Variants in ADGRL3 observed in about 807,000 individuals in gnomAD.
ADGRL3 encodes adhesion G protein-coupled receptor L3.
Under a neutral mutation model 153.5 loss-of-function variants are expected in ADGRL3, and 62 were observed. The observed-to-expected ratio is 0.40, with a 90% CI of 0.33 to 0.50. The LOEUF (loss-of-function observed/expected upper bound fraction) is 0.50, where lower values mean the gene tolerates loss of function less well. ADGRL3 is among the 20% of genes least tolerant of loss of function. ADGRL3 has a pLI of 0.47. For synonymous variants in ADGRL3, 710 were observed against 672.5 expected, an observed-to-expected ratio of 1.06 and a Z score of -0.86; for missense variants, 1,641 against 1,859.4, an observed-to-expected ratio of 0.88 and a Z score of 2.16.
At chr4:61,869,799 G>A (rs2098426011) in intron 9 of ADGRL3, among the ~76,000 whole-genome samples, 2 of 151,214 alleles carry the variant, frequency 1.3e-5, no homozygotes, top group African/African-American at 2.4e-5. Context: ...TTGGCCAGGC[G>A]TGGTGGCACA....
At chr4:61,620,837 C>T (rs1409006973) in intron 5 of ADGRL3, among the ~76,000 whole-genome samples, 2 of 151,728 alleles carry the variant, frequency 1.3e-5, no homozygotes, top group South Asian at 2.1e-4. Flanking sequence ...GACGGGCTTC[C>T]ACCATGTTGG....
chr4:61,747,023 G>C (rs924738662), intron 8 of ADGRL3, among the ~76,000 whole-genome samples: 6 of 152,134 alleles, frequency 3.9e-5, no homozygotes, highest in Admixed American at 1.3e-4. Context: ...TGATAAAGGG[G>C]ATATCACTGC....
intron 2 of ADGRL3, among the ~76,000 whole-genome samples, chr4:61,491,570 T>A (rs900924097): frequency 6.6e-6 from 1 of 152,134 alleles, no homozygotes; most frequent in Non-Finnish European, 1.5e-5. Context: ...TTCTTCTTTG[T>A]AATTTATATC....
intron 1 of ADGRL3, among the ~76,000 whole-genome samples, chr4:61,372,813 C>T (rs1373286178): frequency 3.3e-5 from 5 of 151,974 alleles, no homozygotes; most frequent in African/African-American, 4.8e-5. Context: ...CAATGGCGGG[C>T]GCCCCTCCCC....
chr4:62,044,304 T>C, intron 24 of ADGRL3, 149 bp from the exon 25 acceptor site: 1 of 604,494 alleles, frequency 1.7e-6, no homozygotes, highest in Admixed American at 3.0e-5. Context: ...GATGTTCTCA[T>C]GCTACTGTAC....
intron 9 of ADGRL3, among the ~76,000 whole-genome samples, chr4:61,891,758 T>G (rs1581330135): frequency 6.6e-6 from 1 of 152,294 alleles, no homozygotes; most frequent in East Asian, 1.9e-4. Flanking sequence ...GAGTAGTTTC[T>G]AATCTTACAG....
intron 1 of ADGRL3, among the ~76,000 whole-genome samples, chr4:61,292,746 T>C (rs2094267944): frequency 6.6e-6 from 1 of 152,080 alleles, no homozygotes; most frequent in East Asian, 1.9e-4. Flanking sequence ...AGGCAGGAAA[T>C]AATCTTGTTT....
intron 2 of ADGRL3, among the ~76,000 whole-genome samples, chr4:61,415,954 G>C (rs531206521): frequency 6.6e-6 from 1 of 152,126 alleles, no homozygotes; most frequent in South Asian, 2.1e-4. Flanking sequence ...ACATTGCAGA[G>C]TTCAAAAGTA....
chr4:61,349,788 T>C (rs2096002597), intron 1 of ADGRL3, among the ~76,000 whole-genome samples: 1 of 152,180 alleles, frequency 6.6e-6, no homozygotes, highest in South Asian at 2.1e-4. Context: ...CCTTCTTCTC[T>C]GTGATATTTA....
In ADGRL3 at chr4:61,892,930, A is replaced by G; in HGVS notation, c.1755A>G (p.Ala585=). Residue 585 remains alanine, a synonymous_variant, in exon 10 of 27, where the codon GCA becomes GCG. Coordinates refer to ENST00000683033, the MANE Select transcript of ADGRL3 (RefSeq NM_001387552.1). The part of the protein sequence containing the change: ...MWFKTRQGQI[A]KQPCPAGTIG... ...TTAAGACTCGTCAAGGACAGATAGC[A>G]AAGCAGCCATGCCCTGCAGGAACTA... The G allele has an allele frequency of 1.3e-6, 2 of 1,541,360 alleles. No homozygotes were observed. The highest frequency in any genetic ancestry group is 1.7e-6 in the Non-Finnish European group (2 of 1,148,868).
intron 25 of ADGRL3, among the ~76,000 whole-genome samples, chr4:62,063,161 G>T (rs888522866): frequency 1.1e-4 from 16 of 151,670 alleles, no homozygotes; most frequent in Non-Finnish European, 1.5e-4. Flanking sequence ...TGTGTTTTGT[G>T]TTTTGTTTGT....
chr4:61,447,947 C>T (rs913085485), intron 2 of ADGRL3, among the ~76,000 whole-genome samples: 7 of 152,152 alleles, frequency 4.6e-5, no homozygotes, highest in East Asian at 1.9e-4. Context: ...CAACAAAATA[C>T]GGACCTGGGC....
At chr4:61,468,148 AC>A (rs1202999875) in intron 2 of ADGRL3, among the ~76,000 whole-genome samples, 1 of 152,074 alleles carries the variant, frequency 6.6e-6, no homozygotes, top group East Asian at 1.9e-4. Flanking sequence ...CAATGTAAAA[AC>A]CCCATTGTTG....
chr4:61,380,687 T>A (rs2096656933), intron 1 of ADGRL3, among the ~76,000 whole-genome samples: 1 of 152,028 alleles, frequency 6.6e-6, no homozygotes, highest in Non-Finnish European at 1.5e-5. Flanking sequence ...TTTCGAACGA[T>A]ATGGAACTAT....
In ADGRL3 at chr4:61,909,710, G is replaced by C. The variant is rs1249482395; in HGVS notation, c.2038G>C (p.Gly680Arg). The C allele has an allele frequency of 6.3e-7, 1 of 1,575,878 alleles. No individual in the cohort carries two copies. The highest frequency in any genetic ancestry group is 8.6e-7 in the Non-Finnish European group (1 of 1,160,712). ...TGTACAGCTTCGGAACTTGACCCCA[G>C]GTGGAAAAGATAGTGCTGCCCGGAG... ...LDVQLRNLTP[G>R]GKDSAARSLN... is the part of the protein sequence containing the mutation. The change falls in exon 12 of 27, where the codon GGT becomes CGT. Residue 680 changes from glycine to arginine, a missense_variant. This residue lies in a region of ADGRL3 where 734 missense variants were observed against 797.0 expected (regional missense o/e 0.92). Coordinates refer to ENST00000683033, the MANE Select transcript of ADGRL3 (RefSeq NM_001387552.1).
intron 1 of ADGRL3, among the ~76,000 whole-genome samples, chr4:61,317,587 T>C (rs2095252459): frequency 6.6e-6 from 1 of 152,160 alleles, no homozygotes; most frequent in Non-Finnish European, 1.5e-5. Flanking sequence ...TCTTTGTGTA[T>C]TAGGTTTGGT....
At chr4:61,582,739 C>G (rs2098931221) in intron 4 of ADGRL3, among the ~76,000 whole-genome samples, 1 of 151,900 alleles carries the variant, frequency 6.6e-6, no homozygotes, top group Non-Finnish European at 1.5e-5. Flanking sequence ...TTTACGTTCC[C>G]TTCCCCTAGT....
chr4:61,867,540 A>ATATATATATATATAT (rs201200813), intron 9 of ADGRL3, among the ~76,000 whole-genome samples: 116 of 131,900 alleles, frequency 8.8e-4, no homozygotes, highest in Non-Finnish European at 1.1e-3. Flanking sequence ...ATATATATAT[A>ATATATATATATATAT]ATTGTAGGAG....
intron 9 of ADGRL3, among the ~76,000 whole-genome samples, chr4:61,885,662 AT>A (rs1196023326): frequency 6.6e-6 from 1 of 152,292 alleles, no homozygotes; most frequent in East Asian, 1.9e-4. Flanking sequence ...ATCCATTAAA[AT>A]TTTTACATAT....
Sources: allele counts gnomAD v4.1 joint callset (sites outside exome capture counted in the v4.1 genomes callset), GRCh38; gene constraint gnomAD v4.1.1; regional missense constraint gnomAD v4.1.1; transcripts MANE v1.5; gene names NCBI Gene and HGNC (gene_info 2026-07-23, HGNC 2026-07-21).